Variants in C1QBP observed in about 807,000 individuals in gnomAD.
C1QBP encodes complement component 1 Q subcomponent-binding protein, mitochondrial.
A neutral mutation model predicts 29.4 loss-of-function variants in C1QBP; 24 were observed. The observed-to-expected ratio is 0.82, with a 90% confidence interval of 0.59 to 1.15. The LOEUF (loss-of-function observed/expected upper bound fraction) is 1.15, where lower values mean the gene tolerates loss of function less well. Among genes scored for constraint, C1QBP ranks in the 50% most tolerant of loss-of-function variants. C1QBP has a pLI of 0.00. For synonymous variants in C1QBP, 182 were observed against 149.2 expected, an observed-to-expected ratio of 1.22 and a Z score of -1.60; for missense variants, 337 against 355.8, an observed-to-expected ratio of 0.95 and a Z score of 0.43.
chr17:5,433,570 G>C, intron 4 of C1QBP, 99 bp downstream of exon 4: 4 of 1,533,206 alleles, frequency 2.6e-6, no homozygotes, highest in Non-Finnish European at 3.6e-6. Flanking sequence ...GTCTAAGCTA[G>C]AAAAGTGTTT....
At chr17:5,435,670 T>C (rs980408) in intron 2 of C1QBP, among the ~76,000 whole-genome samples, 39,341 of 151,738 alleles carry the variant, frequency 0.26, 6,372 homozygotes, top group East Asian at 0.77. Context: ...GTCAAAATTC[T>C]TGGGACATAA....
At position 5,438,497 on chromosome 17, in the gene C1QBP, T is replaced by C. The variant is rs1030479561; in HGVS notation, c.233-224A>G. On this transcript the variant is annotated intron_variant, in intron 1 of 5. Coordinates refer to ENST00000225698, the MANE Select transcript of C1QBP (RefSeq NM_001212.4). ...TCCAACAATGAACGCATTACCACTT[T>C]CCGCTATAAACCAGGAGAATTTCCA... 9 of 702,692 alleles carry C rather than the reference T, an allele frequency of 1.3e-5. No homozygotes were observed. In the African/African-American group the frequency reaches 1.4e-4, roughly 11 times the overall value. 43.5% of individuals were successfully genotyped at this position (702,692 alleles called of 1,614,324 possible). A position where few individuals can be genotyped will look rare whatever the true frequency, so the allele number is the denominator to read the frequency against.
At chr17:5,434,739 T>C (rs965469105) in intron 3 of C1QBP, 134 bp downstream of exon 3, 3 of 684,364 alleles carry the variant, frequency 4.4e-6, no homozygotes, top group Non-Finnish European at 7.3e-6. Context: ...GTGCTGGGAT[T>C]ATAGGCGTGA....
At chr17:5,436,790 C>A (rs558414584) in intron 2 of C1QBP, among the ~76,000 whole-genome samples, 2 of 152,088 alleles carry the variant, frequency 1.3e-5, no homozygotes, top group Non-Finnish European at 2.9e-5. Context: ...GAGGCCAAGG[C>A]GGGCGGATCA....
In C1QBP at chr17:5,438,994, G is replaced by A; in HGVS notation, c.80C>T (p.Pro27Leu). ...AGLRAAAPAS[P>L]FRQLLQPAPR... ...TGCCGGCTGCAGGAGCTGCCGGAAA[G>A]GCGAGGCGGGCGCGGCAGCGCGGAG... is the stretch of plus-strand genomic sequence containing the variant. The change falls in exon 1 of 6, where the codon CCT becomes CTT. Residue 27 changes from proline (P) to leucine (L), a missense_variant. By Grantham distance (98) the Pro-to-Leu change is moderately conservative. Transcript: ENST00000225698. The A allele has an allele frequency of 2.0e-6, 3 of 1,478,290 alleles. No individual in the cohort carries two copies. Among genetic ancestry groups the A allele is most frequent in the Non-Finnish European group, 2.7e-6 (3 of 1,116,778 alleles). 91.6% of individuals were successfully genotyped at this position (1,478,290 alleles called of 1,614,324 possible).
rs756208365 is a variant in C1QBP, at chr17:5,438,960, C to G, written c.114G>C (p.Leu38=). Residue 38 remains leucine, a synonymous_variant, in exon 1 of 6, where the codon CTG becomes CTC. Transcript: ENST00000225698. ...FRQLLQPAPR[L]CTRPFGLLSV... ...TGAGCAGCCCGAAGGGCCGGGTGCA[C>G]AGCCGGGGTGCCGGCTGCAGGAGCT... The G allele has an allele frequency of 3.3e-6, 5 of 1,505,934 alleles. No individual in the cohort carries two copies. In the South Asian group the frequency reaches 6.3e-5, roughly 19 times the overall value. 93.3% of individuals were successfully genotyped at this position (1,505,934 alleles called of 1,614,324 possible). A position where few individuals can be genotyped will look rare whatever the true frequency, so the allele number is the denominator to read the frequency against.
chr17:5,435,442 GA>G (rs1916242961), intron 2 of C1QBP, among the ~76,000 whole-genome samples: 1 of 152,166 alleles, frequency 6.6e-6, no homozygotes, highest in Admixed American at 6.5e-5. Context: ...GCCCTGCAAG[GA>G]AAGGAAGAAG....
intron 2 of C1QBP, among the ~76,000 whole-genome samples, chr17:5,437,290 T>A (rs1010958683): frequency 6.6e-6 from 1 of 152,228 alleles, no homozygotes; most frequent in Non-Finnish European, 1.5e-5. Context: ...AGCTGTGATT[T>A]AAAAAAATTA....
chr17:5,438,097 C>T (rs1567592891), intron 2 of C1QBP, 26 bp downstream of exon 2: 1 of 1,607,040 alleles, frequency 6.2e-7, no homozygotes, highest in Non-Finnish European at 8.5e-7. Context: ...GAGTTGCTGC[C>T]CTGGGATCCC....
intron 2 of C1QBP, among the ~76,000 whole-genome samples, chr17:5,436,996 G>A (rs1371387187): frequency 2.0e-5 from 3 of 152,150 alleles, no homozygotes. Flanking sequence ...GACAGAGCAA[G>A]ACTCCGTGGG....
chr17:5,436,080 C>T (rs1326936470), intron 2 of C1QBP, among the ~76,000 whole-genome samples: 2 of 149,016 alleles, frequency 1.3e-5, no homozygotes, highest in Admixed American at 6.7e-5. Flanking sequence ...CATGAAGTGC[C>T]GCCCTCCACT....
At chr17:5,434,234 C>A in intron 3 of C1QBP, 1 of 200,032 alleles carries the variant, frequency 5.0e-6, no homozygotes, top group Non-Finnish European at 1.0e-5. Flanking sequence ...CTGGGTCCAA[C>A]GTCAGGGAGA....
At chr17:5,434,116 T>TTCATAAGGGA (rs1916189783) in intron 3 of C1QBP, 1 of 272,996 alleles carries the variant, frequency 3.7e-6, no homozygotes, top group African/African-American at 2.2e-5. Context: ...GCTTGACTGT[T>TTCATAAGGGA]CCAGGAGTCT....
chr17:5,437,158 A>C (rs918334792), intron 2 of C1QBP, among the ~76,000 whole-genome samples: 2 of 152,240 alleles, frequency 1.3e-5, no homozygotes, highest in African/African-American at 4.8e-5. Flanking sequence ...GGGGATGACA[A>C]CAGTGTTCTA....
intron 3 of C1QBP, chr17:5,434,142 G>A (rs777795261): frequency 3.0e-5 from 6 of 201,864 alleles, no homozygotes; most frequent in Non-Finnish European, 5.1e-5. Context: ...AGGGACCAGG[G>A]TCAAAGGCTG....
Position 5,439,136 on chromosome 17 carries a change from C to T in C1QBP, c.-63G>A. The T allele has an allele frequency of 2.0e-6, 3 of 1,528,076 alleles. No individual in the cohort carries two copies. The highest frequency in any genetic ancestry group is 2.0e-5 in the Admixed American group (1 of 49,698). 94.7% of individuals were successfully genotyped at this position (1,528,076 alleles called of 1,614,324 possible). A position where few individuals can be genotyped will look rare whatever the true frequency, so the allele number is the denominator to read the frequency against. ...CAACCCAGGCCTAGGCGCCCCGCGACCTGAGGCGCCGCCGGAAGCCCCGCC... is the reference window on the plus strand; with the variant it reads ...CAACCCAGGCCTAGGCGCCCCGCGATCTGAGGCGCCGCCGGAAGCCCCGCC... On this transcript the variant is annotated 5_prime_UTR_variant, in exon 1 of 6. Coordinates refer to ENST00000225698, the MANE Select transcript of C1QBP (RefSeq NM_001212.4).
At position 5,438,203 on chromosome 17, in the gene C1QBP, G is replaced by A. The variant is rs763531974; in HGVS notation, c.303C>T (p.Thr101=). The A allele has an allele frequency of 3.7e-6, 6 of 1,613,762 alleles. No individual in the cohort carries two copies. In the Admixed American group the frequency reaches 5.0e-5, roughly 13 times the overall value. ...CCCAACCTCCAGACATCTTAGGGAGGGTTTTATGCTTCTGAATTTTTCTTT... is the reference window on the plus strand; with the variant it reads ...CCCAACCTCCAGACATCTTAGGGAGAGTTTTATGCTTCTGAATTTTTCTTT... The part of the protein sequence containing the change: ...KEERKIQKHK[T]LPKMSGGWEL... Residue 101 remains threonine, a synonymous_variant, in exon 2 of 6, where the codon ACC becomes ACT. Transcript: ENST00000225698.
intron 2 of C1QBP, among the ~76,000 whole-genome samples, 175 bp from the exon 3 acceptor site, chr17:5,435,141 T>A (rs1488773329): frequency 6.6e-6 from 1 of 152,194 alleles, no homozygotes; most frequent in African/African-American, 2.4e-5. Context: ...GGTGCCTACA[T>A]CCAATCCTGA....
intron 2 of C1QBP, among the ~76,000 whole-genome samples, chr17:5,436,044 G>GC (rs1458766926): frequency 2.3e-5 from 2 of 85,314 alleles, no homozygotes; most frequent in Admixed American, 1.2e-4. Flanking sequence ...GACTCTGTCA[G>GC]AAAAAAAAAA....
Sources: allele counts gnomAD v4.1 joint callset (sites outside exome capture counted in the v4.1 genomes callset), GRCh38; gene constraint gnomAD v4.1.1; transcripts MANE v1.5; gene names NCBI Gene and HGNC (gene_info 2026-07-23, HGNC 2026-07-21).